Variants in TXNL4A observed in about 807,000 individuals in gnomAD.
TXNL4A encodes the protein thioredoxin-like protein 4A.
TXNL4A carries 17 observed loss-of-function variants against 14.6 expected under a neutral mutation model. The observed-to-expected ratio is 1.16, with a 90% CI of 0.80 to 1.74. TXNL4A has a LOEUF of 1.74. Among genes scored for constraint, TXNL4A ranks in the 40% most tolerant of loss-of-function variants. TXNL4A has a pLI of 0.00. For synonymous variants in TXNL4A, 83 were observed against 70.6 expected, an observed-to-expected ratio of 1.18 and a Z score of -0.88; for missense variants, 74 against 195.2, an observed-to-expected ratio of 0.38 and a Z score of 3.70.
In TXNL4A at chr18:79,982,006, G is replaced by A. The variant is rs2145071553; in HGVS notation, c.154-4305C>T. Among the ~76,000 whole-genome samples the A allele has an allele frequency of 6.6e-6, 1 of 152,348 alleles. No individual in the cohort carries two copies. Among genetic ancestry groups the A allele is most frequent in the Non-Finnish European group, 1.5e-5 (1 of 68,028 alleles). ...AGAAAGGTCACGTGAGTGATGCCCA[G>A]CCGCACGGGGAAGGGGCAGAGCTGA... is the stretch of plus-strand genomic sequence containing the variant. On this transcript the variant is annotated intron_variant, in intron 1 of 2. Transcript: ENST00000269601. The surrounding 1 kb of genome is among the most constrained non-coding windows in gnomAD (Gnocchi z 4.0).
At position 79,997,039 on chromosome 18, in the gene TXNL4A, G is replaced by A. The variant is rs545238125; in HGVS notation, c.-60-19338C>T. Among the ~76,000 whole-genome samples, 6 of 152,156 alleles carry A rather than the reference G, an allele frequency of 3.9e-5. No individual in the cohort carries two copies. In the South Asian group the frequency reaches 1.2e-3, roughly 32 times the overall value. Reference sequence around the variant, plus strand: ...TGGGGAAGGGAAATGAGACAGAGAAGGAAATACTAGAAGAGAAGAGAGAAC... The same window carrying A: ...TGGGGAAGGGAAATGAGACAGAGAAAGAAATACTAGAAGAGAAGAGAGAAC... On this transcript the variant is annotated intron_variant, in intron 1 of 2. Transcript: ENST00000585474.
intron 1 of TXNL4A, among the ~76,000 whole-genome samples, chr18:80,024,051 AGTGCT>A (rs1568382446): frequency 1.3e-5 from 2 of 152,230 alleles, no homozygotes; most frequent in African/African-American, 4.8e-5. Flanking sequence ...TTTGCCTTTC[AGTGCT>A]TGGTACTGGC....
chr18:79,971,872 A>C lies in TXNL4A; in HGVS notation c.*1813T>G, dbSNP rs772452778. 2.0e-5 allele frequency: 3 copies of C among 152,164 alleles called. No homozygotes were observed. The highest frequency in any genetic ancestry group is 4.4e-5 in the Non-Finnish European group (3 of 68,038). 9.4% of individuals were successfully genotyped at this position (152,164 alleles called of 1,614,324 possible). On this transcript the variant is annotated 3_prime_UTR_variant, in exon 3 of 3. Coordinates refer to ENST00000269601, the MANE Select transcript of TXNL4A (RefSeq NM_006701.5). ...CGTCTGTTTCACCTGCTCTGGAGAAATAGCAGGAGTGTAATACTGAGTGTC... is the reference window on the plus strand; with the variant it reads ...CGTCTGTTTCACCTGCTCTGGAGAACTAGCAGGAGTGTAATACTGAGTGTC...
At chr18:79,991,953 T>C (rs1568371684), upstream of TXNL4A, among the ~76,000 whole-genome samples, 1 of 152,172 alleles carries the variant, frequency 6.6e-6, no homozygotes, top group Non-Finnish European at 1.5e-5. Flanking sequence ...AATCAATATA[T>C]GTAAGAAGAA....
intron 1 of TXNL4A, among the ~76,000 whole-genome samples, chr18:80,008,635 C>T (rs932646446): frequency 6.6e-6 from 1 of 152,182 alleles, no homozygotes; most frequent in South Asian, 2.1e-4. Flanking sequence ...CTGAGTGCTT[C>T]CCCCCGTTCT....
intron 1 of TXNL4A, among the ~76,000 whole-genome samples, chr18:79,997,588 A>T (rs1288623369): frequency 6.6e-6 from 1 of 152,132 alleles, no homozygotes; most frequent in African/African-American, 2.4e-5. Context: ...GACAGCCGGT[A>T]TTTGTTTACC....
At chr18:79,978,159 G>T (rs193008465) in intron 1 of TXNL4A, among the ~76,000 whole-genome samples, 10 of 152,062 alleles carry the variant, frequency 6.6e-5, no homozygotes, top group Non-Finnish European at 1.2e-4. Context: ...AATCGCCCAG[G>T]AATTAAATTT....
At chr18:79,976,813 T>C (rs1338640062) in intron 2 of TXNL4A, 3 of 453,620 alleles carry the variant, frequency 6.6e-6, no homozygotes, top group African/African-American at 2.0e-5. Context: ...CAGCATCAGA[T>C]GGTGATTTCT....
At position 79,982,709 on chromosome 18, in the gene TXNL4A, C is replaced by T. The variant is rs569980502; in HGVS notation, c.154-5008G>A. ...TTCAGTGTGGACAACTTTCAAAAGC[C>T]GTGGCTATGGAGAGAGAGGGAAGTT... is the stretch of plus-strand genomic sequence containing the variant. On this transcript the variant is annotated intron_variant, in intron 1 of 2. Coordinates refer to ENST00000269601, the MANE Select transcript of TXNL4A (RefSeq NM_006701.5). The surrounding 1 kb of genome is among the most constrained non-coding windows in gnomAD (Gnocchi z 4.0). Among the ~76,000 whole-genome samples the T allele has an allele frequency of 7.9e-5, 12 of 152,238 alleles. No individual in the cohort carries two copies. The highest frequency in any genetic ancestry group is 1.8e-4 in the Non-Finnish European group (12 of 68,014).
chr18:79,973,971 A>C lies in TXNL4A; in HGVS notation c.258-115T>G, dbSNP rs572482341. 132 of 1,412,530 alleles carry C rather than the reference A, an allele frequency of 9.3e-5. No individual in the cohort carries two copies. In the South Asian group the frequency reaches 1.4e-3, roughly 15 times the overall value. 87.5% of individuals were successfully genotyped at this position (1,412,530 alleles called of 1,614,324 possible). On this transcript the variant is annotated intron_variant, in intron 2 of 2. Transcript: ENST00000269601. ...CAAGCTCTTGTTAACATCACTGAAG[A>C]ACGCATAAAATCGAGAGTGTATGCC...
At position 79,988,452 on chromosome 18, in the gene TXNL4A, G is replaced by T; in HGVS notation, c.-60C>A. On this transcript the variant is annotated 5_prime_UTR_variant, in exon 1 of 3. Transcript: ENST00000269601. Reference sequence around the variant, plus strand: ...GCGCCAGGGAGGGCCCAGCGAGGTGGGCTCAGCCGGCCCCTCACTCCCCGG... The same window carrying T: ...GCGCCAGGGAGGGCCCAGCGAGGTGTGCTCAGCCGGCCCCTCACTCCCCGG... 2 of 1,304,732 alleles carry T rather than the reference G, an allele frequency of 1.5e-6. 1 individual carries two copies. The highest frequency in any genetic ancestry group is 2.0e-6 in the Non-Finnish European group (2 of 1,018,960). 80.8% of individuals were successfully genotyped at this position (1,304,732 alleles called of 1,614,324 possible). A position where few individuals can be genotyped will look rare whatever the true frequency, so the allele number is the denominator to read the frequency against.
intron 2 of TXNL4A, chr18:79,977,368 CAA>C: frequency 1.9e-6 from 1 of 532,048 alleles, no homozygotes. Context: ...GGTTTCCCCG[CAA>C]AGTTATTTCA....
chr18:80,006,181 C>T (rs1342718940), intron 1 of TXNL4A, among the ~76,000 whole-genome samples: 6 of 151,846 alleles, frequency 4.0e-5, no homozygotes, highest in Admixed American at 1.3e-4. Context: ...GTCAGGAGTT[C>T]GAGACCAGCC....
chr18:80,014,309 CT>C (rs150738367), intron 1 of TXNL4A, among the ~76,000 whole-genome samples: 4,982 of 152,244 alleles, frequency 0.033, 141 homozygotes, highest in African/African-American at 0.076. Context: ...CAGCAAGTCC[CT>C]TCTACCTATG....
intron 1 of TXNL4A, among the ~76,000 whole-genome samples, chr18:80,010,907 A>T (rs562534087): frequency 2.5e-4 from 38 of 151,110 alleles, no homozygotes; most frequent in Non-Finnish European, 4.6e-4. Context: ...AACTCCTTTC[A>T]GTCCCCCCGT....
At chr18:80,026,163 T>C (rs1358196903) in intron 1 of TXNL4A, among the ~76,000 whole-genome samples, 1 of 152,218 alleles carries the variant, frequency 6.6e-6, no homozygotes, top group Non-Finnish European at 1.5e-5. Flanking sequence ...AACTGGGCCA[T>C]AGCCAGAACT....
chr18:79,986,800 T>A, intron 1 of TXNL4A: 1 of 982,640 alleles, frequency 1.0e-6, no homozygotes, highest in African/African-American at 1.7e-5. Flanking sequence ...TCAAAGTCAA[T>A]ACAGCAGTGA....
At chr18:79,987,864 C>G (rs1046481815) in intron 1 of TXNL4A, among the ~76,000 whole-genome samples, 1 of 152,230 alleles carries the variant, frequency 6.6e-6, no homozygotes, top group Non-Finnish European at 1.5e-5. Context: ...ACGAATAACT[C>G]AGGTACCAAA....
At chr18:79,986,259 T>C (rs1054816935) in intron 1 of TXNL4A, among the ~76,000 whole-genome samples, 2 of 152,118 alleles carry the variant, frequency 1.3e-5, no homozygotes, top group African/African-American at 4.8e-5. Context: ...TGGTCTCGAA[T>C]CCCTGGGCTC....
Sources: gnomAD v4.1 joint callset for allele counts (sites outside exome capture counted in the v4.1 genomes callset) on GRCh38, gnomAD v4.1.1 for gene constraint, Gnocchi (gnomAD v3.1) non-coding constraint, MANE v1.5 for transcripts, NCBI Gene and HGNC (gene_info 2026-07-23, HGNC 2026-07-21) for gene names.